Variants in COG5 observed in about 807,000 individuals in gnomAD.
The protein encoded by COG5 is conserved oligomeric Golgi complex subunit 5.
Under a neutral mutation model 110.4 loss-of-function variants are expected in COG5, and 86 were observed. The observed-to-expected ratio is 0.78, with a 90% CI of 0.65 to 0.93. COG5 has a LOEUF of 0.93. Among genes scored for constraint, COG5 ranks in the 40% least tolerant of loss-of-function variants. COG5 has a pLI of 0.00. For missense variants in COG5, 1,077 were observed against 987.0 expected (o/e 1.09, Z -1.22); for synonymous variants, 360 against 334.6 (o/e 1.08, Z -0.83).
At chr7:107,327,058 G>T (rs923954066) in intron 10 of COG5, among the ~76,000 whole-genome samples, 1 of 151,994 alleles carries the variant, frequency 6.6e-6, no homozygotes, top group Non-Finnish European at 1.5e-5. Context: ...ATATTACCAA[G>T]CTTCAGGAAT....
At chr7:107,262,807 T>C (rs891022980) in intron 14 of COG5, among the ~76,000 whole-genome samples, 3 of 152,188 alleles carry the variant, frequency 2.0e-5, no homozygotes, top group African/African-American at 7.2e-5. Context: ...CCAGAATGTC[T>C]GCCGTCCCTA....
At chr7:107,220,815 CTTTTTTT>C (rs1168926155) in intron 19 of COG5, among the ~76,000 whole-genome samples, 2 of 123,932 alleles carry the variant, frequency 1.6e-5, no homozygotes, top group South Asian at 2.7e-4. Flanking sequence ...CTCATGCCTT[CTTTTTTT>C]TTTTTTTTTT....
At chr7:107,361,792 C>A (rs1354221141) in intron 10 of COG5, among the ~76,000 whole-genome samples, 2 of 152,170 alleles carry the variant, frequency 1.3e-5, no homozygotes, top group Non-Finnish European at 2.9e-5. Context: ...GAACTCCTCA[C>A]CTCATGATCC....
chr7:107,263,092 T>C (rs894614337), intron 14 of COG5, among the ~76,000 whole-genome samples: 2 of 152,182 alleles, frequency 1.3e-5, no homozygotes, highest in Admixed American at 1.3e-4. Context: ...AAAACGCTAG[T>C]GAAGCTGCCT....
At chr7:107,267,987 A>G (rs954330565) in intron 14 of COG5, among the ~76,000 whole-genome samples, 4 of 152,158 alleles carry the variant, frequency 2.6e-5, no homozygotes, top group African/African-American at 4.8e-5. Context: ...TGTTTTTTTG[A>G]GACGGAGTTT....
intron 6 of COG5, among the ~76,000 whole-genome samples, chr7:107,501,311 A>G (rs1384200241): frequency 1.3e-5 from 2 of 152,094 alleles, no homozygotes; most frequent in East Asian, 3.8e-4. Context: ...ATCCCTTAGA[A>G]CCAAGAAATA....
chr7:107,258,450 T>TCTCTCTCTCA (rs142552893), intron 14 of COG5, 67 bp from the exon 15 acceptor site: 35 of 704,158 alleles, frequency 5.0e-5, no homozygotes, highest in Non-Finnish European at 7.8e-5. Flanking sequence ...TCTCTCTCTC[T>TCTCTCTCTCA]CACACACACA....
At chr7:107,350,966 T>C (rs930819508) in intron 10 of COG5, among the ~76,000 whole-genome samples, 1 of 152,184 alleles carries the variant, frequency 6.6e-6, no homozygotes, top group African/African-American at 2.4e-5. Flanking sequence ...CCCTCAAAGA[T>C]TCTCTTATTT....
chr7:107,558,100 A>G lies in COG5; in HGVS notation c.110T>C (p.Phe37Ser). ...CTTTACATCAAAGTCTTCGTTTAAA[A>G]AGTCACTATAACACCCTGGATTGGG... ...ELLQDGCYSDFLNEDFDVKTY... is the reference protein window; with the variant it reads ...ELLQDGCYSDSLNEDFDVKTY... Residue 37 changes from phenylalanine to serine, a missense_variant, in exon 2 of 22, where the codon TTT becomes TCT. Physicochemically the swap from Phe to Ser is radical, Grantham distance 155 (BLOSUM62 -2). Coordinates refer to ENST00000297135, the MANE Select transcript of COG5 (RefSeq NM_006348.5). 6.2e-7 allele frequency: 1 copy of G among 1,613,900 alleles called. No homozygotes were observed.
chr7:107,211,867 G>A (rs1799202208), intron 19 of COG5, among the ~76,000 whole-genome samples: 1 of 152,172 alleles, frequency 6.6e-6, no homozygotes, highest in Non-Finnish European at 1.5e-5. Context: ...AGGCTGGCAA[G>A]AATTATTTGA....
chr7:107,245,807 C>T (rs1031938550), intron 17 of COG5, among the ~76,000 whole-genome samples: 3 of 152,132 alleles, frequency 2.0e-5, no homozygotes, highest in African/African-American at 7.2e-5. Context: ...TCTTCAGATT[C>T]AATGCTATTC....
intron 6 of COG5, among the ~76,000 whole-genome samples, chr7:107,447,693 G>A (rs1250521135): frequency 6.6e-6 from 1 of 152,128 alleles, no homozygotes; most frequent in Non-Finnish European, 1.5e-5. Flanking sequence ...GAAACTCCAG[G>A]TCATTGGTAG....
At chr7:107,400,003 C>A (rs144926091) in intron 7 of COG5, among the ~76,000 whole-genome samples, 24 of 152,108 alleles carry the variant, frequency 1.6e-4, no homozygotes, top group African/African-American at 5.8e-4. Flanking sequence ...AACTGGTATT[C>A]TCTTTAAAAA....
intron 5 of COG5, chr7:107,547,898 A>G: frequency 1.9e-6 from 1 of 535,136 alleles, no homozygotes; most frequent in East Asian, 3.0e-5. Context: ...AAGTTAATAA[A>G]CAATTATACA....
chr7:107,401,086 G>A (rs905978296), intron 7 of COG5, among the ~76,000 whole-genome samples: 59 of 152,022 alleles, frequency 3.9e-4, no homozygotes, highest in Admixed American at 7.2e-4. Flanking sequence ...GTTTGTTTTT[G>A]CTTTTTTCCA....
chr7:107,520,974 C>A (rs933122511), intron 6 of COG5, among the ~76,000 whole-genome samples: 3 of 152,086 alleles, frequency 2.0e-5, no homozygotes, highest in African/African-American at 7.2e-5. Flanking sequence ...GAACAGAGAC[C>A]TCAGAAATAA....
In COG5 at chr7:107,201,384, C is replaced by A; in HGVS notation, c.*2132G>T. 3 of 1,460,122 alleles carry A rather than the reference C, an allele frequency of 2.1e-6. No individual in the cohort carries two copies. The highest frequency in any genetic ancestry group is 1.9e-6 in the Non-Finnish European group (2 of 1,042,722). The allele number at this position is 1,460,122 out of a possible 1,614,324, so 90.4% of individuals were successfully genotyped here. On this transcript the variant is annotated 3_prime_UTR_variant, in exon 22 of 22. Coordinates refer to ENST00000297135, the MANE Select transcript of COG5 (RefSeq NM_006348.5). ...GGATTACTATGTATTGATTTGTAAA[C>A]ATTCACTGAGTTTAATTTTATTTCC...
chr7:107,220,748 G>C (rs1391045243), intron 19 of COG5, among the ~76,000 whole-genome samples: 2 of 151,932 alleles, frequency 1.3e-5, no homozygotes, highest in South Asian at 2.1e-4. Context: ...TCATATTGTA[G>C]GTCTGGTGTG....
chr7:107,221,800 T>G (rs1419925012), intron 19 of COG5, among the ~76,000 whole-genome samples: 1 of 151,888 alleles, frequency 6.6e-6, no homozygotes, highest in Non-Finnish European at 1.5e-5. Flanking sequence ...TAACTTTCTC[T>G]TAGGAATTGA....
Sources: gnomAD v4.1 joint callset for allele counts (sites outside exome capture counted in the v4.1 genomes callset) on GRCh38, gnomAD v4.1.1 for gene constraint, MANE v1.5 for transcripts, NCBI Gene and HGNC (gene_info 2026-07-23, HGNC 2026-07-21) for gene names.